Variants in CASP10 observed in about 807,000 individuals in gnomAD.
The protein encoded by CASP10 is caspase-10.
CASP10 carries 41 observed loss-of-function variants against 48.5 expected under a neutral mutation model. The observed-to-expected ratio is 0.85, with a 90% CI of 0.66 to 1.10. The LOEUF (loss-of-function observed/expected upper bound fraction) is 1.10, where lower values mean the gene tolerates loss of function less well. Ranked by LOEUF, CASP10 falls within the 50% of genes least tolerant of loss-of-function variation. The pLI is 0.00. For synonymous variants in CASP10, 232 were observed against 238.4 expected, an observed-to-expected ratio of 0.97 and a Z score of 0.25; for missense variants, 614 against 614.5, an observed-to-expected ratio of 1.00 and a Z score of 0.01.
rs182870266 is a variant in CASP10 at position 201,217,841 on chromosome 2, T to G, written c.*100T>G. Reference sequence around the variant, plus strand: ...AATCGGTGGTCTCCACCTGTCATTCTAGAAACAGGAAACACCGTGTTTTCT... The same window carrying G: ...AATCGGTGGTCTCCACCTGTCATTCGAGAAACAGGAAACACCGTGTTTTCT... On this transcript the variant is annotated 3_prime_UTR_variant, in exon 10 of 10. Coordinates refer to ENST00000286186, the MANE Select transcript of CASP10 (RefSeq NM_032977.4). 19 of 1,609,874 alleles carry G rather than the reference T, an allele frequency of 1.2e-5. No homozygotes were observed. In the East Asian group the frequency reaches 3.6e-4, roughly 30 times the overall value.
At chr2:201,217,525 C>A in intron 9 of CASP10, 63 bp from the exon 10 acceptor site, 1 of 1,109,404 alleles carries the variant, frequency 9.0e-7, no homozygotes, top group Non-Finnish European at 1.4e-6. Flanking sequence ...CACCACTGCA[C>A]TCCAGCCTGG....
rs941149465 is a variant in CASP10, at chr2:201,221,126, G to A, written c.*3385G>A. 52 of 985,340 alleles carry A rather than the reference G, an allele frequency of 5.3e-5. No individual in the cohort carries two copies. Among genetic ancestry groups the A allele is most frequent in the Non-Finnish European group, 5.8e-5 (48 of 829,956 alleles). 61.0% of individuals were successfully genotyped at this position (985,340 alleles called of 1,614,324 possible). ...CTGCAACAGAAATAGCAGGACTTAA[G>A]TTCCTTTGTGCGTAATTCCAGCTGA... On this transcript the variant is annotated 3_prime_UTR_variant, in exon 10 of 10. Transcript: ENST00000286186.
chr2:201,199,676 G>A (rs538758944), intron 5 of CASP10, among the ~76,000 whole-genome samples: 1 of 144,086 alleles, frequency 6.9e-6, no homozygotes, highest in African/African-American at 2.6e-5. Context: ...CCAGGTTAAA[G>A]CAATTCTTGT....
intron 3 of CASP10, among the ~76,000 whole-genome samples, chr2:201,189,092 G>A (rs1205836943): frequency 4.0e-5 from 6 of 151,792 alleles, no homozygotes; most frequent in African/African-American, 1.4e-4. Context: ...GGCTGGTCTG[G>A]AACTCCTGAC....
At chr2:201,188,187 T>C (rs1404914191) in intron 3 of CASP10, among the ~76,000 whole-genome samples, 1 of 152,128 alleles carries the variant, frequency 6.6e-6, no homozygotes, top group Non-Finnish European at 1.5e-5. Context: ...TTTTTGTTTT[T>C]GTTTTTTTTT....
chr2:201,190,844 T>C (rs1467917189), intron 3 of CASP10, among the ~76,000 whole-genome samples: 1 of 151,234 alleles, frequency 6.6e-6, no homozygotes, highest in East Asian at 1.9e-4. Flanking sequence ...CATCTGTGGC[T>C]ACAGAATTAT....
chr2:201,203,760 A>T lies in CASP10; in HGVS notation c.715A>T (p.Ser239Cys), dbSNP rs41473647. The change falls in exon 6 of 10, where the codon AGT (serine) becomes TGT (cysteine). Residue 239 changes from serine (S) to cysteine (C), a missense_variant. Coordinates refer to ENST00000286186, the MANE Select transcript of CASP10 (RefSeq NM_032977.4). ...QESWQNKHAG[S>C]NGNRATNGAP... ...GTCCTGGCAAAATAAGCATGCAGGT[A>T]GTAATGGTAGGTATTTCTAATGTAC... The T allele has an allele frequency of 4.0e-4, 644 of 1,613,142 alleles. 8 individuals are homozygous for T. The South Asian group carries it at 5.4e-3, about 13-fold the overall frequency.
Position 201,187,800 on chromosome 2 carries a change from G to T in CASP10, c.441+1G>T. On this transcript the variant is annotated splice_donor_variant, in intron 3 of 9. Transcript: ENST00000286186. LOFTEE classifies it high-confidence loss of function. ...AGACTCGCTTCCCAAAACTGAAATG[G>T]TGAGTGGGTCATACAGAATGGGTCT... 6.2e-7 allele frequency: 1 copy of T among 1,608,640 alleles called. No homozygotes were observed. Among genetic ancestry groups the T allele is most frequent in the Non-Finnish European group, 8.5e-7 (1 of 1,175,018 alleles).
At chr2:201,205,228 C>CTTTTTT (rs35121141) in intron 6 of CASP10, among the ~76,000 whole-genome samples, 3 of 138,862 alleles carry the variant, frequency 2.2e-5, no homozygotes, top group Admixed American at 7.3e-5. Context: ...CTTTTCTTTT[C>CTTTTTT]TTTTTTTTTT....
chr2:201,188,850 T>C (rs1944505185), intron 3 of CASP10, among the ~76,000 whole-genome samples: 2 of 151,870 alleles, frequency 1.3e-5, no homozygotes, highest in South Asian at 2.1e-4. Context: ...TTTTGAGGGG[T>C]TGCAAAAATG....
At chr2:201,199,424 G>A (rs1245392490) in intron 5 of CASP10, among the ~76,000 whole-genome samples, 2 of 152,052 alleles carry the variant, frequency 1.3e-5, no homozygotes, top group Admixed American at 1.3e-4. Flanking sequence ...GCCGAGGTGG[G>A]AGGACCACTT....
At position 201,208,128 on chromosome 2, in the gene CASP10, C is replaced by T. The variant is rs757006791; in HGVS notation, c.867C>T (p.Val289=). ...NRNHRGLCVI[V]NNHSFTSLKD... ...ACCACAGAGGCCTCTGTGTCATTGT[C>T]AACAACCACAGCTTTACCTCCCTGA... The change falls in exon 8 of 10, where the codon GTC becomes GTT. Residue 289 remains valine, a synonymous_variant. Transcript: ENST00000286186. 6.8e-6 allele frequency: 11 copies of T among 1,614,050 alleles called. No individual in the cohort carries two copies. The South Asian group carries it at 9.9e-5, about 15-fold the overall frequency.
chr2:201,209,615 T>A (rs1559309947), intron 9 of CASP10, 53 bp downstream of exon 9: 1 of 1,539,158 alleles, frequency 6.5e-7, no homozygotes, highest in East Asian at 2.4e-5. Flanking sequence ...TATTTATTTT[T>A]TATTTTACTC....
Position 201,219,407 on chromosome 2 carries a change from G to A in CASP10, c.*1666G>A, listed in dbSNP as rs1945665324. On this transcript the variant is annotated 3_prime_UTR_variant, in exon 10 of 10. Coordinates refer to ENST00000286186, the MANE Select transcript of CASP10 (RefSeq NM_032977.4). ...CAGGAGTGGATAACACTGGCTTCAGGCAAAGCTTGAATCAGGACTCAATCT... is the reference window on the plus strand; with the variant it reads ...CAGGAGTGGATAACACTGGCTTCAGACAAAGCTTGAATCAGGACTCAATCT... The A allele has an allele frequency of 1.0e-6, 1 of 984,058 alleles. No individual in the cohort carries two copies. The highest frequency in any genetic ancestry group is 1.2e-6 in the Non-Finnish European group (1 of 828,688). 61.0% of individuals were successfully genotyped at this position (984,058 alleles called of 1,614,324 possible).
chr2:201,192,807 G>GTA (rs1182528867), intron 3 of CASP10, among the ~76,000 whole-genome samples, 177 bp from the exon 4 acceptor site: 1 of 152,148 alleles, frequency 6.6e-6, no homozygotes, highest in Non-Finnish European at 1.5e-5. Flanking sequence ...AATATAGATT[G>GTA]TATACAGATT....
chr2:201,229,142 G>C, exon 10 of CASP10: 3 of 1,607,492 alleles, frequency 1.9e-6, no homozygotes, highest in Non-Finnish European at 2.6e-6. Context: ...GATTGACAAC[G>C]CCCTACAGCA....
chr2:201,223,139 C>G (rs1403116470), downstream of CASP10, among the ~76,000 whole-genome samples: 1 of 152,248 alleles, frequency 6.6e-6, no homozygotes, highest in Non-Finnish European at 1.5e-5. Context: ...CACACAATGA[C>G]AGCTCATGTT....
intron 6 of CASP10, among the ~76,000 whole-genome samples, chr2:201,205,461 G>A (rs1210926861): frequency 6.6e-6 from 1 of 151,742 alleles, no homozygotes; most frequent in South Asian, 2.1e-4. Flanking sequence ...GAACTCCTGG[G>A]CTCAAGCGAT....
At chr2:201,210,450 G>A (rs772312482) in intron 9 of CASP10, among the ~76,000 whole-genome samples, 2 of 152,180 alleles carry the variant, frequency 1.3e-5, no homozygotes, top group East Asian at 1.9e-4. Context: ...TTAACATCCC[G>A]CTAGATATCC....
Sources: gnomAD v4.1 joint callset for allele counts (sites outside exome capture counted in the v4.1 genomes callset) on GRCh38, gnomAD v4.1.1 for gene constraint, MANE v1.5 for transcripts, NCBI Gene and HGNC (gene_info 2026-07-23, HGNC 2026-07-21) for gene names.